The following HYCC2 variants were observed in gnomAD, a reference collection of about 807,000 sequenced individuals.
The protein encoded by HYCC2 is hyccin 2.
At chr2:201,063,447 A>G in the HYCC2 span, 1 of 1,590,240 alleles carries the variant, frequency 6.3e-7, no homozygotes, top group South Asian at 1.1e-5. Flanking sequence ...GAAGAACATC[A>G]CCTAAGAGAT....
At chr2:201,055,078 A>C in the HYCC2 span, among the ~76,000 whole-genome samples, 2 of 152,194 alleles carry the variant, frequency 1.3e-5, no homozygotes, top group Admixed American at 1.3e-4. Flanking sequence ...TGGCATTTTT[A>C]ACCTCTAAAA....
At chr2:200,974,751 A>T in the HYCC2 span, 1 of 151,996 alleles carries the variant, frequency 6.6e-6, no homozygotes, top group Non-Finnish European at 1.5e-5. Flanking sequence ...TTTCCAAAAA[A>T]AATTATTTAA....
At chr2:201,042,671 C>A in the HYCC2 span, among the ~76,000 whole-genome samples, 1 of 150,902 alleles carries the variant, frequency 6.6e-6, no homozygotes, top group Non-Finnish European at 1.5e-5. Context: ...GGAGCGTCTC[C>A]GCCCGGCAGC....
At chr2:201,043,814 G>A in the HYCC2 span, among the ~76,000 whole-genome samples, 45,276 of 151,936 alleles carry the variant, frequency 0.3, 8,502 homozygotes, top group African/African-American at 0.53. Context: ...GGCCAAACAT[G>A]TATTTTCTAA....
At chr2:200,986,359 T>C in the HYCC2 span, among the ~76,000 whole-genome samples, 2 of 152,242 alleles carry the variant, frequency 1.3e-5, no homozygotes, top group Non-Finnish European at 2.9e-5. Context: ...GTATGTTTGG[T>C]CTTTAAGTAA....
chr2:201,054,089 G>A, the HYCC2 span, among the ~76,000 whole-genome samples: 1 of 152,184 alleles, frequency 6.6e-6, no homozygotes, highest in Non-Finnish European at 1.5e-5. Flanking sequence ...AATCCAGAAG[G>A]TCATATTTAT....
At chr2:201,013,603 T>G in the HYCC2 span, among the ~76,000 whole-genome samples, 1 of 152,018 alleles carries the variant, frequency 6.6e-6, no homozygotes, top group Non-Finnish European at 1.5e-5. Flanking sequence ...ACCAATTACA[T>G]GTGAATAATG....
the HYCC2 span, chr2:200,975,262 TAAC>T: frequency 1.3e-5 from 2 of 152,026 alleles, no homozygotes; most frequent in East Asian, 3.8e-4. Flanking sequence ...CCTCATTCCT[TAAC>T]AAGTACTTTA....
the HYCC2 span, among the ~76,000 whole-genome samples, chr2:201,033,999 C>T: frequency 2.0e-5 from 3 of 151,104 alleles, no homozygotes; most frequent in Non-Finnish European, 4.4e-5. Flanking sequence ...AAAGTACCAT[C>T]TCCAGGCTAA....
the HYCC2 span, among the ~76,000 whole-genome samples, chr2:201,042,705 C>T: frequency 6.7e-6 from 1 of 150,364 alleles, no homozygotes; most frequent in Non-Finnish European, 1.5e-5. Flanking sequence ...AGCTGGGGGG[C>T]AGCCCCCGCC....
the HYCC2 span, among the ~76,000 whole-genome samples, chr2:201,051,403 G>A: frequency 6.6e-6 from 1 of 151,796 alleles, no homozygotes; most frequent in African/African-American, 2.4e-5. Flanking sequence ...AATAAGGACT[G>A]GAAAGGAAGA....
chr2:200,981,054 C>T, the HYCC2 span: 2 of 607,346 alleles, frequency 3.3e-6, no homozygotes, highest in Non-Finnish European at 5.7e-6. This position sits in a 1 kb window ranked among gnomAD's most constrained non-coding sequence, Gnocchi z 4.5. Flanking sequence ...GCTTCACAAA[C>T]ACATTTACAA....
the HYCC2 span, among the ~76,000 whole-genome samples, chr2:200,983,718 T>C: frequency 1.3e-5 from 2 of 152,202 alleles, no homozygotes; most frequent in African/African-American, 2.4e-5. Flanking sequence ...AACTCCAAAA[T>C]GCCCAAGAAA....
chr2:201,045,667 G>A, the HYCC2 span: 1 of 394,834 alleles, frequency 2.5e-6, no homozygotes, highest in Middle Eastern at 6.4e-4. Flanking sequence ...GAACAGTTTT[G>A]ATAGGCATTT....
the HYCC2 span, among the ~76,000 whole-genome samples, chr2:201,026,023 T>C: frequency 5.3e-5 from 8 of 152,078 alleles, no homozygotes; most frequent in African/African-American, 7.2e-5. Flanking sequence ...GACTGGCAAA[T>C]TGGATAAAGA....
At chr2:200,996,730 C>T in the HYCC2 span, 1 of 152,186 alleles carries the variant, frequency 6.6e-6, no homozygotes, top group African/African-American at 2.4e-5. Flanking sequence ...ATCATTGGTA[C>T]TATTGCTAAT....
chr2:200,997,402 C>G, the HYCC2 span: 5 of 1,327,112 alleles, frequency 3.8e-6, no homozygotes, highest in Non-Finnish European at 5.4e-6. Flanking sequence ...CAATAAATAT[C>G]TATCAAATAA....
At chr2:201,042,995 G>A in the HYCC2 span, among the ~76,000 whole-genome samples, 1 of 152,362 alleles carries the variant, frequency 6.6e-6, no homozygotes, top group Admixed American at 6.5e-5. Flanking sequence ...AATAGAAAAG[G>A]GGGAAATGTG....
At chr2:200,998,732 C>G in the HYCC2 span, among the ~76,000 whole-genome samples, 1 of 152,106 alleles carries the variant, frequency 6.6e-6, no homozygotes, top group African/African-American at 2.4e-5. Context: ...ATGTCTTAAC[C>G]CAGTTGACCC....
Sources: allele counts gnomAD v4.1 joint callset (sites outside exome capture counted in the v4.1 genomes callset), GRCh38; gene constraint gnomAD v4.1.1; non-coding constraint Gnocchi (gnomAD v3.1); transcripts MANE v1.5; gene names NCBI Gene and HGNC (gene_info 2026-07-23, HGNC 2026-07-21).